MAD1L1: variants seen among roughly 807,000 people sequenced by gnomAD.
MAD1L1 encodes mitotic arrest deficient 1 like 1.
Under a neutral mutation model 96.9 loss-of-function variants are expected in MAD1L1, and 95 were observed. The observed-to-expected ratio is 0.98, with a 90% CI of 0.83 to 1.16. MAD1L1 has a LOEUF of 1.16. MAD1L1 is among the 50% of genes most tolerant of loss of function. MAD1L1 has a pLI of 0.00. For synonymous variants in MAD1L1, 473 were observed against 396.6 expected (o/e 1.19, Z -2.29); for missense variants, 1,007 against 954.4 (o/e 1.06, Z -0.73).
intron 14 of MAD1L1, among the ~76,000 whole-genome samples, chr7:1,994,245 C>T (rs1053302668): frequency 6.6e-6 from 1 of 152,174 alleles, no homozygotes. Context: ...AGCACAGGGA[C>T]GATGGTGGCG....
At chr7:1,817,253 C>A (rs1337119352) in intron 18 of MAD1L1, among the ~76,000 whole-genome samples, 1 of 152,132 alleles carries the variant, frequency 6.6e-6, no homozygotes, top group East Asian at 1.9e-4. Context: ...TGTGGTGCGG[C>A]CACTGCAAAC....
chr7:1,898,216 T>C lies in MAD1L1; in HGVS notation c.1982A>G (p.Asp661Gly). 6.2e-7 allele frequency: 1 copy of C among 1,610,912 alleles called. No homozygotes were observed. Among genetic ancestry groups the C allele is most frequent in the East Asian group, 2.2e-5 (1 of 44,816 alleles). Residue 661 changes from aspartate to glycine, a missense_variant, in exon 18 of 19, where the codon GAC becomes GGC. By Grantham distance (94) the Asp-to-Gly change is moderately conservative. Transcript: ENST00000265854. Reference sequence around the variant, plus strand: ...AGGACCCACCTTGAAGATGAGGCAGTCGCCTGGGTGCTCGGCGTACAGCGA... The same window carrying C: ...AGGACCCACCTTGAAGATGAGGCAGCCGCCTGGGTGCTCGGCGTACAGCGA... ...LTSLYAEHPG[D>G]CLIFKATSPS... is the part of the protein sequence containing the mutation.
intron 17 of MAD1L1, among the ~76,000 whole-genome samples, chr7:1,927,443 A>G (rs1261606465): frequency 6.6e-6 from 1 of 152,216 alleles, no homozygotes; most frequent in African/African-American, 2.4e-5. Flanking sequence ...CTACGAAGCT[A>G]CAGTAATCAA....
intron 5 of MAD1L1, chr7:2,220,926 G>C: frequency 1.2e-6 from 2 of 1,612,236 alleles, no homozygotes; most frequent in Non-Finnish European, 1.7e-6. Context: ...GAGCCCACCT[G>C]CCCACAGGGT....
At chr7:2,100,807 G>T (rs1468199402) in intron 11 of MAD1L1, among the ~76,000 whole-genome samples, 5 of 152,230 alleles carry the variant, frequency 3.3e-5, no homozygotes, top group Non-Finnish European at 1.5e-5. Flanking sequence ...GGTGGGAGGG[G>T]AACAGCTCGT....
At chr7:1,862,092 C>CA (rs34895508) in intron 18 of MAD1L1, among the ~76,000 whole-genome samples, 4,375 of 152,282 alleles carry the variant, frequency 0.029, 205 homozygotes, top group African/African-American at 0.099. Context: ...TGGACACCCC[C>CA]ACCCATTTCC....
At chr7:2,035,253 GCGCGGGAGCGC>G (rs1403079927) in intron 12 of MAD1L1, among the ~76,000 whole-genome samples, 407 of 139,858 alleles carry the variant, frequency 2.9e-3, no homozygotes, top group South Asian at 8.2e-3. Context: ...CCAGGCATGA[GCGCGGGAGCGC>G]TGACAAGTCG....
At position 2,222,527 on chromosome 7, in the gene MAD1L1, C is replaced by T. The variant is rs775656763; in HGVS notation, c.471+48G>A. ...GCAGTGGCAAACAAGAGCATGCACT[C>T]CCTCTCCTCGGGAAAACAGCTCCCT... On this transcript the variant is annotated intron_variant, in intron 5 of 18. Coordinates refer to ENST00000265854, the MANE Select transcript of MAD1L1 (RefSeq NM_001013836.2). 4.0e-6 allele frequency: 6 copies of T among 1,492,960 alleles called. No homozygotes were observed. In the South Asian group the frequency reaches 8.0e-5, roughly 20 times the overall value. 92.5% of individuals were successfully genotyped at this position (1,492,960 alleles called of 1,614,324 possible).
intron 12 of MAD1L1, among the ~76,000 whole-genome samples, chr7:2,051,458 C>G (rs185586614): frequency 6.6e-6 from 1 of 152,094 alleles, no homozygotes; most frequent in Non-Finnish European, 1.5e-5. Flanking sequence ...GCGAGGGGGG[C>G]GCTGACCTTG....
chr7:1,889,910 T>C (rs1786431950), intron 18 of MAD1L1, among the ~76,000 whole-genome samples: 1 of 152,196 alleles, frequency 6.6e-6, no homozygotes, highest in African/African-American at 2.4e-5. Context: ...CCACAGCTCG[T>C]CAGGGGCCAC....
At chr7:1,998,613 G>C (rs549330332) in intron 14 of MAD1L1, among the ~76,000 whole-genome samples, 61 of 152,306 alleles carry the variant, frequency 4.0e-4, no homozygotes, top group Non-Finnish European at 8.1e-4. Context: ...CTGTTCCAGA[G>C]GCAACAGGAA....
intron 12 of MAD1L1, among the ~76,000 whole-genome samples, chr7:2,017,629 C>T (rs976191665): frequency 1.3e-5 from 2 of 152,162 alleles, no homozygotes; most frequent in African/African-American, 4.8e-5. Context: ...GCACTCCAAT[C>T]AGAGGGAACA....
intron 17 of MAD1L1, 133 bp downstream of exon 17, chr7:1,936,554 C>G: frequency 2.1e-6 from 2 of 930,586 alleles, no homozygotes; most frequent in East Asian, 5.3e-5. Flanking sequence ...CCACCAGACC[C>G]GGCTGCCCAC....
chr7:2,096,497 G>C (rs1033834491), intron 11 of MAD1L1, among the ~76,000 whole-genome samples: 1 of 152,096 alleles, frequency 6.6e-6, no homozygotes, highest in African/African-American at 2.4e-5. Flanking sequence ...TTTGTTAGCT[G>C]CCTTCATGGG....
intron 17 of MAD1L1, among the ~76,000 whole-genome samples, chr7:1,901,638 G>GA (rs1787249467): frequency 6.6e-6 from 1 of 152,212 alleles, no homozygotes; most frequent in Admixed American, 6.5e-5. Flanking sequence ...GGTGCTCAGG[G>GA]AGGGAGCCCA....
At chr7:2,128,045 C>T (rs181459847) in intron 11 of MAD1L1, among the ~76,000 whole-genome samples, 16 of 152,264 alleles carry the variant, frequency 1.1e-4, no homozygotes, top group Non-Finnish European at 2.1e-4. Context: ...ATAAATAAAA[C>T]GCTTTTTAAA....
At chr7:2,115,820 T>C (rs1336286150) in intron 11 of MAD1L1, among the ~76,000 whole-genome samples, 2 of 152,248 alleles carry the variant, frequency 1.3e-5, no homozygotes, top group Non-Finnish European at 2.9e-5. Flanking sequence ...ACTGAGGTGC[T>C]GCCATCAGGA....
chr7:1,955,861 T>TCA (rs1298972966), intron 16 of MAD1L1, among the ~76,000 whole-genome samples: 1 of 152,174 alleles, frequency 6.6e-6, no homozygotes, highest in Non-Finnish European at 1.5e-5. Context: ...TTCAGTTATT[T>TCA]GACTTGTGAC....
chr7:1,957,854 A>G, intron 15 of MAD1L1, 135 bp from the exon 16 acceptor site: 1 of 704,050 alleles, frequency 1.4e-6, no homozygotes, highest in Non-Finnish European at 2.4e-6. Context: ...ATATCTGTGA[A>G]GCTCTCAGAG....
Sources: allele counts gnomAD v4.1 joint callset (sites outside exome capture counted in the v4.1 genomes callset), GRCh38; gene constraint gnomAD v4.1.1; transcripts MANE v1.5; gene names NCBI Gene and HGNC (gene_info 2026-07-23, HGNC 2026-07-21).